TRABD2B: variants seen among roughly 807,000 people sequenced by gnomAD.
TRABD2B encodes the protein metalloprotease TIKI2.
A neutral mutation model predicts 40.1 loss-of-function variants in TRABD2B; 14 were observed. That is an observed-to-expected ratio of 0.35 (90% confidence interval 0.23 to 0.55). The LOEUF (loss-of-function observed/expected upper bound fraction) is 0.55. TRABD2B is among the 20% of genes least tolerant of loss of function. TRABD2B has a pLI of 0.90. For synonymous variants in TRABD2B, 263 were observed against 277.0 expected (o/e 0.95, Z 0.50); for missense variants, 541 against 648.6 (o/e 0.83, Z 1.80).
At chr1:47,873,462 T>C (rs1644173606) in intron 2 of TRABD2B, among the ~76,000 whole-genome samples, 1 of 152,072 alleles carries the variant, frequency 6.6e-6, no homozygotes, top group South Asian at 2.1e-4. Context: ...GCTCCAAACA[T>C]ACACTCTTTA....
At chr1:47,922,124 C>A (rs898797311) in intron 2 of TRABD2B, among the ~76,000 whole-genome samples, 10 of 152,074 alleles carry the variant, frequency 6.6e-5, no homozygotes, top group East Asian at 1.9e-4. Context: ...GTTTAGCCAG[C>A]GGGATGATTA....
Position 47,996,951 on chromosome 1 carries a change from G to C in TRABD2B, c.-162C>G, listed in dbSNP as rs772069890. ...TGGCTGACTGTCCCTGTCGGACCTGGGGGTTTCTCTGGGGCCGGGCTCCGT... is the reference window on the plus strand; with the variant it reads ...TGGCTGACTGTCCCTGTCGGACCTGCGGGTTTCTCTGGGGCCGGGCTCCGT... On this transcript the variant is annotated 5_prime_UTR_variant, in exon 1 of 7. Coordinates refer to ENST00000606738, the MANE Select transcript of TRABD2B (RefSeq NM_001194986.2). This position sits in a 1 kb window ranked among gnomAD's most constrained non-coding sequence, Gnocchi z 4.6. The C allele has an allele frequency of 9.0e-7, 1 of 1,116,034 alleles. No homozygotes were observed. Among genetic ancestry groups the C allele is most frequent in the Non-Finnish European group, 1.1e-6 (1 of 914,924 alleles). 69.1% of individuals were successfully genotyped at this position (1,116,034 alleles called of 1,614,324 possible).
At chr1:47,984,782 G>GTGC (rs1645896925) in intron 2 of TRABD2B, among the ~76,000 whole-genome samples, 1 of 152,044 alleles carries the variant, frequency 6.6e-6, no homozygotes, top group Non-Finnish European at 1.5e-5. Context: ...CAAGGAAGCT[G>GTGC]TGCCTCTTCT....
chr1:47,850,111 T>C (rs1190497951), intron 2 of TRABD2B, among the ~76,000 whole-genome samples: 5 of 152,224 alleles, frequency 3.3e-5, no homozygotes, highest in Admixed American at 2.6e-4. Context: ...CCACAGACAA[T>C]CCTGTCACTG....
At chr1:47,983,803 G>A (rs982351165) in intron 2 of TRABD2B, among the ~76,000 whole-genome samples, 4 of 150,452 alleles carry the variant, frequency 2.7e-5, no homozygotes, top group South Asian at 4.2e-4. Flanking sequence ...AACACTAGAA[G>A]TGTCCTTGTT....
Position 47,963,478 on chromosome 1 carries a change from C to A in TRABD2B, c.666+30556G>T, listed in dbSNP as rs546363456. On this transcript the variant is annotated intron_variant, in intron 2 of 6. Coordinates refer to ENST00000606738, the MANE Select transcript of TRABD2B (RefSeq NM_001194986.2). ...AAAAAGAGCAGGCCCTTGCTTTAAG[C>A]CAGGACATAAAGAAACATGAGAGTA... Among the ~76,000 whole-genome samples, 13 of 152,164 alleles carry A rather than the reference C, an allele frequency of 8.5e-5. 1 individual carries two copies. The highest frequency in any genetic ancestry group is 2.9e-4 in the African/African-American group (12 of 41,496).
chr1:47,932,738 G>A (rs1350089318), intron 2 of TRABD2B, among the ~76,000 whole-genome samples: 7 of 152,212 alleles, frequency 4.6e-5, no homozygotes, highest in African/African-American at 1.7e-4. Context: ...ACAGGTAACA[G>A]TCCCAGCCCC....
At chr1:47,853,440 G>T (rs984644490) in intron 2 of TRABD2B, among the ~76,000 whole-genome samples, 2 of 152,138 alleles carry the variant, frequency 1.3e-5, no homozygotes, top group Non-Finnish European at 2.9e-5. Context: ...GTCTCCACAG[G>T]GTGGTGGTCA....
At chr1:47,927,895 T>A (rs1644990826) in intron 2 of TRABD2B, among the ~76,000 whole-genome samples, 1 of 152,214 alleles carries the variant, frequency 6.6e-6, no homozygotes, top group Non-Finnish European at 1.5e-5. Context: ...CAAGAGTCAA[T>A]CTTTCTGGAT....
At chr1:47,963,686 TC>T (rs1272882762) in intron 2 of TRABD2B, among the ~76,000 whole-genome samples, 1 of 152,206 alleles carries the variant, frequency 6.6e-6, no homozygotes, top group African/African-American at 2.4e-5. Flanking sequence ...GGCTAAAATT[TC>T]CCAGTGCCTT....
At chr1:47,990,423 A>C (rs1645983779) in intron 2 of TRABD2B, among the ~76,000 whole-genome samples, 1 of 152,122 alleles carries the variant, frequency 6.6e-6, no homozygotes, top group South Asian at 2.1e-4. Context: ...CTCAAGACTT[A>C]GGCATCCTTG....
chr1:47,770,914 T>C (rs1644369649), intron 6 of TRABD2B, among the ~76,000 whole-genome samples: 1 of 152,222 alleles, frequency 6.6e-6, no homozygotes, highest in African/African-American at 2.4e-5. Context: ...ACTGGTGGTC[T>C]GATGCCAGCT....
chr1:47,855,117 T>C (rs1378068319), intron 2 of TRABD2B, among the ~76,000 whole-genome samples: 1 of 152,192 alleles, frequency 6.6e-6, no homozygotes, highest in East Asian at 1.9e-4. Flanking sequence ...CTGGGTTTTG[T>C]TTAAACCTTT....
At chr1:47,815,500 A>G (rs1349117903) in intron 2 of TRABD2B, among the ~76,000 whole-genome samples, 1 of 152,166 alleles carries the variant, frequency 6.6e-6, no homozygotes. Flanking sequence ...GCATTCCAGC[A>G]TGGACCTGCC....
chr1:47,874,024 T>C (rs1223299178), intron 2 of TRABD2B, among the ~76,000 whole-genome samples: 1 of 152,140 alleles, frequency 6.6e-6, no homozygotes, highest in African/African-American at 2.4e-5. Context: ...ACTGTGACCC[T>C]GTCTTAGAGA....
chr1:47,793,754 A>G (rs1644707101), intron 4 of TRABD2B, among the ~76,000 whole-genome samples: 1 of 152,258 alleles, frequency 6.6e-6, no homozygotes, highest in Non-Finnish European at 1.5e-5. Context: ...CAGTGTAAAC[A>G]TAGTGTTACT....
intron 2 of TRABD2B, among the ~76,000 whole-genome samples, chr1:47,926,699 T>C (rs1570302900): frequency 6.6e-6 from 1 of 151,652 alleles, no homozygotes; most frequent in African/African-American, 2.4e-5. Context: ...ATGGGGAGGG[T>C]TGAGGATAGG....
At chr1:47,832,669 TAAC>T (rs1645266545) in intron 2 of TRABD2B, among the ~76,000 whole-genome samples, 1 of 152,222 alleles carries the variant, frequency 6.6e-6, no homozygotes, top group South Asian at 2.1e-4. Context: ...TAGTAGGGAC[TAAC>T]ATTACTTGAG....
chr1:47,982,524 A>G (rs1645855068), intron 2 of TRABD2B, among the ~76,000 whole-genome samples: 1 of 152,222 alleles, frequency 6.6e-6, no homozygotes, highest in Non-Finnish European at 1.5e-5. Context: ...TAAGGTATCA[A>G]AAGATCCAAG....
Sources: allele counts gnomAD v4.1 joint callset (sites outside exome capture counted in the v4.1 genomes callset), GRCh38; gene constraint gnomAD v4.1.1; non-coding constraint Gnocchi (gnomAD v3.1); transcripts MANE v1.5; gene names NCBI Gene and HGNC (gene_info 2026-07-23, HGNC 2026-07-21).